Variants in LOC128125817 observed in about 807,000 individuals in gnomAD.
the LOC128125817 span, among the ~76,000 whole-genome samples, chr1:41,623,040 C>A: frequency 1.3e-5 from 2 of 152,192 alleles, no homozygotes; most frequent in Non-Finnish European, 2.9e-5. Flanking sequence ...AGACAGAGCC[C>A]GGATGCAAAC....
At chr1:41,599,224 C>T in the LOC128125817 span, among the ~76,000 whole-genome samples, 2 of 152,132 alleles carry the variant, frequency 1.3e-5, no homozygotes, top group Non-Finnish European at 2.9e-5. Flanking sequence ...TGAACCTTGA[C>T]CCCCGATATC....
chr1:41,615,048 G>A, the LOC128125817 span, among the ~76,000 whole-genome samples: 3 of 152,186 alleles, frequency 2.0e-5, no homozygotes, highest in African/African-American at 4.8e-5. Context: ...TCCTGTTTGG[G>A]AAACGTTGTG....
chr1:41,612,001 C>T, the LOC128125817 span, among the ~76,000 whole-genome samples: 14 of 152,068 alleles, frequency 9.2e-5, no homozygotes, highest in Non-Finnish European at 1.5e-4. Context: ...CAGGACCCAA[C>T]CTCACCTCAC....
At chr1:41,628,263 G>A in the LOC128125817 span, among the ~76,000 whole-genome samples, 7 of 152,218 alleles carry the variant, frequency 4.6e-5, no homozygotes, top group Non-Finnish European at 8.8e-5. Flanking sequence ...AAAGGGGACT[G>A]AAGACCTGCT....
the LOC128125817 span, among the ~76,000 whole-genome samples, chr1:41,613,983 T>C: frequency 6.6e-6 from 1 of 152,242 alleles, no homozygotes; most frequent in African/African-American, 2.4e-5. Flanking sequence ...AAAATATCAG[T>C]GTTTCCTGGT....
the LOC128125817 span, among the ~76,000 whole-genome samples, chr1:41,591,212 T>C: frequency 6.6e-6 from 1 of 152,112 alleles, no homozygotes; most frequent in Non-Finnish European, 1.5e-5. Context: ...GGGGTTACCA[T>C]GTATGTAAAG....
the LOC128125817 span, among the ~76,000 whole-genome samples, chr1:41,590,047 C>CTGT: frequency 5.9e-5 from 9 of 152,180 alleles, no homozygotes; most frequent in Non-Finnish European, 2.9e-5. Context: ...GTACAACACT[C>CTGT]TGTGTGTGTG....
At chr1:41,627,822 C>T in the LOC128125817 span, among the ~76,000 whole-genome samples, 1 of 152,178 alleles carries the variant, frequency 6.6e-6, no homozygotes, top group Non-Finnish European at 1.5e-5. Context: ...GGGTCCCCAA[C>T]CCCCAAGAGT....
chr1:41,594,029 C>T, the LOC128125817 span, among the ~76,000 whole-genome samples: 10 of 152,256 alleles, frequency 6.6e-5, no homozygotes, highest in African/African-American at 2.4e-4. Flanking sequence ...CTCTCCCTCT[C>T]CTAAGGACTC....
chr1:41,605,658 C>T, the LOC128125817 span, among the ~76,000 whole-genome samples: 10 of 151,914 alleles, frequency 6.6e-5, no homozygotes, highest in East Asian at 7.7e-4. Context: ...GGCTCACCAG[C>T]GTAGGCTTTA....
the LOC128125817 span, among the ~76,000 whole-genome samples, chr1:41,623,989 G>A: frequency 3.4e-3 from 520 of 152,082 alleles, 1 homozygote; most frequent in African/African-American, 0.012. Flanking sequence ...CTTCAAAGGC[G>A]CGGGCCAGAG....
At chr1:41,596,069 C>A in the LOC128125817 span, among the ~76,000 whole-genome samples, 1 of 152,162 alleles carries the variant, frequency 6.6e-6, no homozygotes, top group Non-Finnish European at 1.5e-5. Flanking sequence ...TTTCAGGGCT[C>A]CAGGCAGGAG....
At chr1:41,594,507 C>T in the LOC128125817 span, among the ~76,000 whole-genome samples, 1 of 152,308 alleles carries the variant, frequency 6.6e-6, no homozygotes, top group Non-Finnish European at 1.5e-5. Flanking sequence ...CAGGTGTGAG[C>T]CACCCCGCCT....
chr1:41,587,429 C>T, the LOC128125817 span, among the ~76,000 whole-genome samples: 1 of 152,306 alleles, frequency 6.6e-6, no homozygotes, highest in African/African-American at 2.4e-5. Flanking sequence ...TATAAGATAC[C>T]ATCCAAACTG....
At chr1:41,610,717 T>C in the LOC128125817 span, among the ~76,000 whole-genome samples, 1 of 152,232 alleles carries the variant, frequency 6.6e-6, no homozygotes, top group Non-Finnish European at 1.5e-5. Flanking sequence ...TTTAATTCAA[T>C]AAATACTTAC....
chr1:41,585,553 G>C, the LOC128125817 span, among the ~76,000 whole-genome samples: 1 of 152,144 alleles, frequency 6.6e-6, no homozygotes, highest in African/African-American at 2.4e-5. Flanking sequence ...CTGAATGCCA[G>C]TGTGTTTCTG....
chr1:41,591,561 C>T, the LOC128125817 span, among the ~76,000 whole-genome samples: 1 of 151,992 alleles, frequency 6.6e-6, no homozygotes, highest in African/African-American at 2.4e-5. Context: ...AAAATCATCA[C>T]GATCCTGGCA....
chr1:41,624,771 T>C, the LOC128125817 span, among the ~76,000 whole-genome samples: 1 of 152,172 alleles, frequency 6.6e-6, no homozygotes. Context: ...CTTCTACTCC[T>C]CCCCAAATGC....
At chr1:41,614,107 C>T in the LOC128125817 span, among the ~76,000 whole-genome samples, 1 of 152,226 alleles carries the variant, frequency 6.6e-6, no homozygotes, top group Non-Finnish European at 1.5e-5. Flanking sequence ...ATGTCTGTGA[C>T]TGGGCAGTGC....
Sources: allele counts gnomAD v4.1 joint callset (sites outside exome capture counted in the v4.1 genomes callset), GRCh38; gene constraint gnomAD v4.1.1; transcripts MANE v1.5.